Variants in EML6 observed in about 807,000 individuals in gnomAD.
EML6 encodes EMAP like 6.
Under a neutral mutation model 240.1 loss-of-function variants are expected in EML6, and 154 were observed. That is an observed-to-expected ratio of 0.64 (90% confidence interval 0.56 to 0.73). The LOEUF is 0.73. Ranked by LOEUF, EML6 falls within the 30% of genes least tolerant of loss-of-function variation. The pLI, the probability that EML6 is intolerant of heterozygous loss-of-function variation, is 0.00. For missense variants in EML6, 2,964 were observed against 2,474.6 expected, an observed-to-expected ratio of 1.20 and a Z score of -4.20; for synonymous variants, 1,148 against 899.0, an observed-to-expected ratio of 1.28 and a Z score of -4.95.
At chr2:54,918,113 A>G (rs1452469280) in intron 26 of EML6, among the ~76,000 whole-genome samples, 3 of 152,236 alleles carry the variant, frequency 2.0e-5, no homozygotes, top group Non-Finnish European at 4.4e-5. Context: ...ATCTGAGTAC[A>G]GAACTTTACA....
chr2:54,794,229 T>C (rs1436710119), intron 2 of EML6, among the ~76,000 whole-genome samples: 2 of 152,204 alleles, frequency 1.3e-5, no homozygotes, highest in Non-Finnish European at 1.5e-5. Context: ...CAGAGGCCTG[T>C]TGGCTTCTGG....
rs1420931474 is a variant in EML6, at chr2:54,892,450, C to G, written c.2540-4C>G. ...AAGTAATAACTGTTCTTGGTCCACTCTAGGTGGGGGCTTCACTTCTAAAAG... is the reference window on the plus strand; with the variant it reads ...AAGTAATAACTGTTCTTGGTCCACTGTAGGTGGGGGCTTCACTTCTAAAAG... On this transcript the variant is annotated splice_polypyrimidine_tract_variant and splice_region_variant and intron_variant, in intron 18 of 41. Coordinates refer to ENST00000356458, the MANE Select transcript of EML6 (RefSeq NM_001039753.4). The G allele has an allele frequency of 1.2e-5, 19 of 1,548,642 alleles. No individual in the cohort carries two copies. The highest frequency in any genetic ancestry group is 6.9e-5 in the African/African-American group (5 of 72,936).
chr2:54,913,407 C>A (rs1033370711), intron 25 of EML6, among the ~76,000 whole-genome samples: 10 of 151,996 alleles, frequency 6.6e-5, no homozygotes, highest in Non-Finnish European at 1.0e-4. Context: ...ACCACCATGC[C>A]CAGCTAATTC....
chr2:54,935,073 T>C (rs1229154154), intron 28 of EML6, among the ~76,000 whole-genome samples: 1 of 152,228 alleles, frequency 6.6e-6, no homozygotes, highest in Non-Finnish European at 1.5e-5. Context: ...TATAACCTTT[T>C]GTAGGCTCAA....
chr2:54,911,073 T>C (rs982580407), intron 25 of EML6, 31 bp downstream of exon 25: 2 of 1,193,304 alleles, frequency 1.7e-6, no homozygotes, highest in African/African-American at 1.5e-5. Flanking sequence ...TTTTTAAAGA[T>C]ATTTTGTGAA....
intron 2 of EML6, among the ~76,000 whole-genome samples, chr2:54,773,707 A>C (rs149208744): frequency 1.5e-4 from 23 of 152,338 alleles, no homozygotes; most frequent in Admixed American, 1.0e-3. Context: ...CTGTATTTAC[A>C]ACTGGGAACT....
chr2:54,956,373 C>G (rs554063572), intron 32 of EML6, among the ~76,000 whole-genome samples: 139 of 150,972 alleles, frequency 9.2e-4, no homozygotes, highest in African/African-American at 3.3e-3. Flanking sequence ...TCTACCTGTT[C>G]AAATCCTTTT....
intron 15 of EML6, among the ~76,000 whole-genome samples, chr2:54,871,209 A>C (rs1365707797): frequency 3.9e-5 from 6 of 152,214 alleles, no homozygotes; most frequent in Admixed American, 3.9e-4. Context: ...GAATGGTAGA[A>C]GTAACTGACA....
At chr2:54,925,302 C>T (rs963751458) in intron 26 of EML6, among the ~76,000 whole-genome samples, 1 of 152,172 alleles carries the variant, frequency 6.6e-6, no homozygotes, top group African/African-American at 2.4e-5. Context: ...TCTTGCCCAG[C>T]CTCTAAAACT....
At chr2:54,833,350 A>G (rs967327139) in intron 7 of EML6, among the ~76,000 whole-genome samples, 2 of 152,338 alleles carry the variant, frequency 1.3e-5, no homozygotes, top group Non-Finnish European at 2.9e-5. Context: ...TGCATCTTCT[A>G]ATAACTATTA....
At chr2:54,798,229 G>T (rs545652698) in intron 2 of EML6, among the ~76,000 whole-genome samples, 33 of 152,260 alleles carry the variant, frequency 2.2e-4, no homozygotes, top group Admixed American at 2.0e-3. Context: ...CTGGAGTGCA[G>T]TGGCACCATC....
chr2:54,767,719 C>G (rs1466862835), intron 2 of EML6, among the ~76,000 whole-genome samples: 2 of 151,676 alleles, frequency 1.3e-5, no homozygotes, highest in African/African-American at 4.8e-5. Context: ...CATTATATTG[C>G]CCAGGCTGGT....
At chr2:54,781,289 A>G (rs964845779) in intron 2 of EML6, among the ~76,000 whole-genome samples, 2 of 152,324 alleles carry the variant, frequency 1.3e-5, no homozygotes, top group African/African-American at 2.4e-5. Context: ...GGAGCCAGTC[A>G]TCCATTTACA....
intron 7 of EML6, among the ~76,000 whole-genome samples, chr2:54,840,301 C>T (rs1425381361): frequency 6.6e-6 from 1 of 152,012 alleles, no homozygotes; most frequent in Non-Finnish European, 1.5e-5. Flanking sequence ...TTAAAACAAT[C>T]AATGGCATTA....
At chr2:54,827,836 C>T (rs1215744240) in intron 6 of EML6, 85 bp downstream of exon 6, 6 of 993,596 alleles carry the variant, frequency 6.0e-6, no homozygotes, top group South Asian at 1.6e-5. Context: ...TCCCTTCTTG[C>T]TTTAGAATCA....
intron 17 of EML6, among the ~76,000 whole-genome samples, chr2:54,884,998 T>TA (rs1672045697): frequency 6.6e-6 from 1 of 151,808 alleles, no homozygotes; most frequent in Admixed American, 6.6e-5. Context: ...CCGTCTCTAC[T>TA]AAAAATACAA....
intron 11 of EML6, among the ~76,000 whole-genome samples, chr2:54,855,365 T>C (rs926388002): frequency 1.3e-5 from 2 of 152,080 alleles, no homozygotes; most frequent in African/African-American, 4.8e-5. Flanking sequence ...GCAGATCTCA[T>C]GAAAATTTGT....
At chr2:54,846,946 G>T (rs6756933) in intron 8 of EML6, among the ~76,000 whole-genome samples, 49,900 of 104,956 alleles carry the variant, frequency 0.48, 8,859 homozygotes, top group Middle Eastern at 0.59. Context: ...TGGAGACAGG[G>T]CCTTGCACTG....
intron 28 of EML6, among the ~76,000 whole-genome samples, chr2:54,947,203 G>T (rs538246535): frequency 6.6e-6 from 1 of 152,012 alleles, no homozygotes; most frequent in Non-Finnish European, 1.5e-5. Flanking sequence ...AGAAACCCAC[G>T]GATTTCATTT....
Sources: allele counts gnomAD v4.1 joint callset (sites outside exome capture counted in the v4.1 genomes callset), GRCh38; gene constraint gnomAD v4.1.1; transcripts MANE v1.5; gene names NCBI Gene and HGNC (gene_info 2026-07-23, HGNC 2026-07-21).